The following RRM2 variants were observed in gnomAD, a reference collection of about 807,000 sequenced individuals.
RRM2 encodes ribonucleoside-diphosphate reductase subunit M2.
RRM2 carries 6 observed loss-of-function variants against 45.9 expected under a neutral mutation model. That is an observed-to-expected ratio of 0.13 (90% confidence interval 0.07 to 0.26). The LOEUF is 0.26. Among genes scored for constraint, RRM2 ranks in the 10% least tolerant of loss-of-function variants. The pLI is 1.00. For missense variants in RRM2, 343 were observed against 489.5 expected (o/e 0.70, Z 2.82); for synonymous variants, 177 against 173.0 (o/e 1.02, Z -0.18).
chr2:10,189,313 C>T (rs367615131), intron 3 of RRM2, among the ~76,000 whole-genome samples: 2 of 152,186 alleles, frequency 1.3e-5, no homozygotes, highest in African/African-American at 4.8e-5. Context: ...TGGAAGTGAT[C>T]TAGAGGGGAG....
upstream of RRM2, among the ~76,000 whole-genome samples, chr2:10,140,320 G>T (rs891599173): frequency 6.6e-6 from 1 of 152,146 alleles, no homozygotes; most frequent in Non-Finnish European, 1.5e-5. Context: ...CAAATTTCAG[G>T]GCCCATAAAT....
intron 3 of RRM2, among the ~76,000 whole-genome samples, chr2:10,154,828 C>G (rs1663393271): frequency 6.6e-6 from 1 of 151,308 alleles, no homozygotes; most frequent in Non-Finnish European, 1.5e-5. Flanking sequence ...TCCCAAGTAG[C>G]TGGGATTACA....
chr2:10,126,682 A>G (rs1446659024), intron 5 of RRM2, 193 bp from the exon 6 acceptor site: 2 of 593,578 alleles, frequency 3.4e-6, no homozygotes, highest in Non-Finnish European at 3.0e-6. Context: ...TCAAGTGTTG[A>G]GGTTTTTAAA....
intron 3 of RRM2, among the ~76,000 whole-genome samples, chr2:10,209,670 G>A (rs1014171171): frequency 2.6e-5 from 4 of 152,036 alleles, no homozygotes; most frequent in Non-Finnish European, 4.4e-5. Context: ...CCTACTGGGG[G>A]AATGCCCATT....
chr2:10,176,277 T>C (rs1024698180), intron 3 of RRM2, among the ~76,000 whole-genome samples: 1 of 152,162 alleles, frequency 6.6e-6, no homozygotes, highest in African/African-American at 2.4e-5. Context: ...CTAATTTTTT[T>C]TCTTTTTTTA....
intron 3 of RRM2, among the ~76,000 whole-genome samples, chr2:10,200,429 CCGCGCGCGCAAAA>C (rs1558406538): frequency 3.6e-5 from 5 of 137,592 alleles, no homozygotes; most frequent in Admixed American, 7.3e-5. Context: ...CCCACAGGGA[CCGCGCGCGCAAAA>C]TATGAGGCCC....
chr2:10,157,061 G>A (rs1228712634), intron 3 of RRM2, among the ~76,000 whole-genome samples: 6 of 120,960 alleles, frequency 5.0e-5, no homozygotes, highest in South Asian at 2.5e-4. Flanking sequence ...TCGCTCTGTC[G>A]CCCAGGCCGG....
chr2:10,142,754 G>A (rs898936527), intron 3 of RRM2, among the ~76,000 whole-genome samples: 1 of 152,276 alleles, frequency 6.6e-6, no homozygotes, highest in African/African-American at 2.4e-5. Context: ...CAGACGATGT[G>A]GCTGTGTTGC....
At chr2:10,166,249 C>T (rs544518856) in intron 3 of RRM2, among the ~76,000 whole-genome samples, 12 of 152,342 alleles carry the variant, frequency 7.9e-5, no homozygotes, top group African/African-American at 2.6e-4. Flanking sequence ...ATTAACCAGG[C>T]CTTCCAGAGC....
At chr2:10,147,202 C>T (rs966898670) in intron 3 of RRM2, among the ~76,000 whole-genome samples, 3 of 152,170 alleles carry the variant, frequency 2.0e-5, no homozygotes, top group East Asian at 1.9e-4. Flanking sequence ...CTGCCCACCT[C>T]GGCCTCCCAA....
intron 3 of RRM2, among the ~76,000 whole-genome samples, chr2:10,158,308 C>T (rs1456648525): frequency 1.3e-5 from 2 of 152,140 alleles, no homozygotes; most frequent in Admixed American, 6.5e-5. Context: ...AAAGCGCTCG[C>T]GAACTTCCTG....
chr2:10,163,886 C>G (rs1009133717), intron 3 of RRM2, among the ~76,000 whole-genome samples: 4 of 152,256 alleles, frequency 2.6e-5, no homozygotes, highest in Non-Finnish European at 5.9e-5. Context: ...GCCCCTTAGC[C>G]TCTCTGAATC....
At chr2:10,190,826 G>A (rs555631968) in intron 3 of RRM2, among the ~76,000 whole-genome samples, 1 of 151,802 alleles carries the variant, frequency 6.6e-6, no homozygotes, top group East Asian at 1.9e-4. Context: ...TGATGATAAT[G>A]GTGGTGATGA....
At chr2:10,201,164 AAAG>A (rs1395035038) in intron 3 of RRM2, among the ~76,000 whole-genome samples, 3 of 146,526 alleles carry the variant, frequency 2.0e-5, no homozygotes, top group African/African-American at 7.4e-5. Context: ...AAAAAAAAAG[AAAG>A]AAAGAAAGAA....
In RRM2 at chr2:10,169,510, G is replaced by A. The variant is rs1663752138; in HGVS notation, n.482+27135G>A. 6.6e-6 allele frequency among the ~76,000 whole-genome samples: 1 copy of A among 152,176 alleles called. No homozygotes were observed. Reference sequence around the variant, plus strand: ...CTGCATGGGACAGGTTCTGGTTTTTGCTACAGAGACTGTAAGAGATGCAAA... The same window carrying A: ...CTGCATGGGACAGGTTCTGGTTTTTACTACAGAGACTGTAAGAGATGCAAA... On this transcript the variant is annotated intron_variant and non_coding_transcript_variant, in intron 3 of 3. Coordinates refer to the RRM2 transcript ENST00000381786. The surrounding 1 kb of genome is among the most constrained non-coding windows in gnomAD (Gnocchi z 5.1).
chr2:10,182,713 A>G (rs4669550), intron 3 of RRM2, among the ~76,000 whole-genome samples: 32,004 of 152,158 alleles, frequency 0.21, 3,705 homozygotes, highest in East Asian at 0.51. Flanking sequence ...CGGCAGCTAC[A>G]TATCAGTGGT....
intron 3 of RRM2, among the ~76,000 whole-genome samples, chr2:10,170,904 A>G (rs1663791363): frequency 6.6e-6 from 1 of 152,196 alleles, no homozygotes; most frequent in South Asian, 2.1e-4. Flanking sequence ...AAATCAAGAG[A>G]CCAGGAGAAG....
intron 3 of RRM2, among the ~76,000 whole-genome samples, chr2:10,181,095 C>T (rs1485547062): frequency 6.6e-5 from 10 of 152,164 alleles, no homozygotes; most frequent in Admixed American, 5.2e-4. Flanking sequence ...TATTGATAAC[C>T]ACCACCACTG....
rs1357619877 is a variant in RRM2 at position 10,202,753 on chromosome 2, A to C, written n.483-7558A>C. 3.9e-5 allele frequency among the ~76,000 whole-genome samples: 6 copies of C among 152,078 alleles called. No individual in the cohort carries two copies. In the East Asian group the frequency reaches 1.2e-3, roughly 29 times the overall value. ...AGGCTGCTGTTTTTGGGGTGGATTT[A>C]GGTGGTTTTTAATCAAGAGGAACTT... On this transcript the variant is annotated intron_variant and non_coding_transcript_variant, in intron 3 of 3. Transcript: ENST00000381786.
Sources: allele counts gnomAD v4.1 joint callset (sites outside exome capture counted in the v4.1 genomes callset), GRCh38; gene constraint gnomAD v4.1.1; non-coding constraint Gnocchi (gnomAD v3.1); transcripts MANE v1.5; gene names NCBI Gene and HGNC (gene_info 2026-07-23, HGNC 2026-07-21).